Variants in WDR64 observed in about 807,000 individuals in gnomAD.
WDR64 encodes the protein WD repeat domain 64, also known as WD repeat-containing protein 64.
Under a neutral mutation model 139.3 loss-of-function variants are expected in WDR64, and 112 were observed. That is an observed-to-expected ratio of 0.80 (90% CI 0.69 to 0.94). The LOEUF is 0.94. WDR64 is among the 40% of genes least tolerant of loss of function. WDR64 has a pLI of 0.00. For synonymous variants in WDR64, 444 were observed against 437.7 expected (o/e 1.01, Z -0.18); for missense variants, 1,206 against 1,293.1 (o/e 0.93, Z 1.03).
At position 241,660,532 on chromosome 1, in the gene WDR64, G is replaced by A; in HGVS notation, c.148G>A (p.Ala50Thr). The change falls in exon 2 of 28, where the codon GCA becomes ACA. Residue 50 changes from alanine (A) to threonine (T), a missense_variant and splice_region_variant. Coordinates refer to ENST00000437684, the MANE Select transcript of WDR64 (RefSeq NM_001367482.1). ...RAGLFIHKED[A>T]IGYDKFYASV... ...GGACTGTACTTTTTTCAATGCAGATGCAATTGGTTATGACAAGTTTTATGC... is the reference window on the plus strand; with the variant it reads ...GGACTGTACTTTTTTCAATGCAGATACAATTGGTTATGACAAGTTTTATGC... 2 of 1,551,426 alleles carry A rather than the reference G, an allele frequency of 1.3e-6. No individual in the cohort carries two copies. The highest frequency in any genetic ancestry group is 1.7e-6 in the Non-Finnish European group (2 of 1,146,658).
In WDR64 at chr1:241,784,976, A is replaced by AAAAAAAAAAAAAAAAAAAAAAG. The variant is rs138513526; in HGVS notation, c.2705+1595_2705+1596insAAAAAAAAAAAAAAAAAAAAAG. Among the ~76,000 whole-genome samples the AAAAAAAAAAAAAAAAAAAAAAG allele has an allele frequency of 9.5e-4, 94 of 98,446 alleles. 12 individuals are homozygous for AAAAAAAAAAAAAAAAAAAAAAG. Among genetic ancestry groups the AAAAAAAAAAAAAAAAAAAAAAG allele is most frequent in the East Asian group, 1.9e-3 (6 of 3,106 alleles). 64.6% of individuals were successfully genotyped at this position (98,446 alleles called of 152,430 possible). On this transcript the variant is annotated intron_variant, in intron 23 of 27. Coordinates refer to ENST00000437684, the MANE Select transcript of WDR64 (RefSeq NM_001367482.1). Reference sequence around the variant, plus strand: ...CTGAAAAAAAAAAAAAAAAAAAAAAAGAAAGGACATCTGCTGTTTTATTTG... The same window carrying AAAAAAAAAAAAAAAAAAAAAAG: ...CTGAAAAAAAAAAAAAAAAAAAAAAAAAAAAAAAAAAAAAAAAAAAAGGAAAGGACATCTGCTGTTTTATTTG...
chr1:241,711,463 C>CCAA (rs2148173247), intron 8 of WDR64, among the ~76,000 whole-genome samples: 1 of 152,156 alleles, frequency 6.6e-6, no homozygotes, highest in South Asian at 2.1e-4. Flanking sequence ...TATGTGCTAC[C>CCAA]CAACAGACTC....
intron 8 of WDR64, among the ~76,000 whole-genome samples, chr1:241,699,512 G>A (rs1667622876): frequency 6.6e-6 from 1 of 152,154 alleles, no homozygotes; most frequent in Admixed American, 6.6e-5. Flanking sequence ...AGGGTGATAA[G>A]TGCCATGATA....
At chr1:241,719,584 G>T (rs1249748101) in intron 9 of WDR64, among the ~76,000 whole-genome samples, 1 of 152,028 alleles carries the variant, frequency 6.6e-6, no homozygotes, top group African/African-American at 2.4e-5. Context: ...ATAGAATTAT[G>T]GAAGCATCTA....
rs192574550 is a variant in WDR64, at chr1:241,768,063, T to A, written c.2082-1341T>A. Among the ~76,000 whole-genome samples, 500 of 152,324 alleles carry A rather than the reference T, an allele frequency of 3.3e-3. 2 individuals are homozygous for A. The highest frequency in any genetic ancestry group is 0.011 in the African/African-American group (474 of 41,588). ...ATCAGATAGACTAAGAAGACCATTA[T>A]CTTGATGCCACAGCCTAAAGAGGGG... On this transcript the variant is annotated intron_variant, in intron 16 of 27. Transcript: ENST00000437684.
intron 16 of WDR64, among the ~76,000 whole-genome samples, chr1:241,769,131 T>C (rs1217126390): frequency 6.6e-6 from 1 of 152,012 alleles, no homozygotes; most frequent in Non-Finnish European, 1.5e-5. Context: ...GTTTTTTCCA[T>C]AGGATTTTGT....
chr1:241,706,879 T>G (rs185477213), intron 8 of WDR64, among the ~76,000 whole-genome samples: 4 of 152,340 alleles, frequency 2.6e-5, no homozygotes, highest in African/African-American at 7.2e-5. Flanking sequence ...TCAAAAAATA[T>G]GAGAGCTATT....
At chr1:241,721,428 G>A (rs746528537) in intron 9 of WDR64, among the ~76,000 whole-genome samples, 40 of 152,074 alleles carry the variant, frequency 2.6e-4, no homozygotes, top group Middle Eastern at 3.4e-3. Flanking sequence ...AGGTTATAAC[G>A]CCTTTATACA....
At chr1:241,740,222 C>A (rs907675255) in intron 11 of WDR64, among the ~76,000 whole-genome samples, 1 of 152,202 alleles carries the variant, frequency 6.6e-6, no homozygotes, top group Non-Finnish European at 1.5e-5. Flanking sequence ...TCTATAGCAG[C>A]AGTGTAACTA....
At chr1:241,706,892 T>C (rs1667972858) in intron 8 of WDR64, among the ~76,000 whole-genome samples, 2 of 152,342 alleles carry the variant, frequency 1.3e-5, no homozygotes, top group African/African-American at 2.4e-5. Flanking sequence ...GAGCTATTCC[T>C]GCAAACTGGT....
intron 4 of WDR64, chr1:241,675,990 A>G (rs1488038949): frequency 6.6e-6 from 1 of 152,246 alleles, no homozygotes; most frequent in African/African-American, 2.4e-5. Context: ...AATCCTAATG[A>G]TTAGTTCATT....
Position 241,775,014 on chromosome 1 carries a change from A to G in WDR64, c.2431-91A>G, listed in dbSNP as rs148131133. 1.7e-4 allele frequency: 170 copies of G among 994,888 alleles called. No individual in the cohort carries two copies. In the East Asian group the frequency reaches 4.1e-3, roughly 24 times the overall value. The allele number at this position is 994,888 out of a possible 1,614,324, so 61.6% of individuals were successfully genotyped here. A position where few individuals can be genotyped will look rare whatever the true frequency, so the allele number is the denominator to read the frequency against. ...GTAGTAGAGATAATTCTTGAGATGC[A>G]TTATTTACATAGAAAAATCAATTTC... On this transcript the variant is annotated intron_variant, in intron 20 of 27. Transcript: ENST00000437684.
At chr1:241,771,941 CATACATATAT>C (rs1162366832) in intron 19 of WDR64, among the ~76,000 whole-genome samples, 662 of 28,812 alleles carry the variant, frequency 0.023, 7 homozygotes, top group South Asian at 0.051. Context: ...TACATACATA[CATACATATAT>C]ATATATATAT....
intron 23 of WDR64, among the ~76,000 whole-genome samples, chr1:241,787,536 G>A (rs1659082888): frequency 6.6e-6 from 1 of 150,924 alleles, no homozygotes; most frequent in Admixed American, 6.6e-5. Context: ...ATGGTGGTGG[G>A]CTTCTGTAAT....
chr1:241,706,069 G>A (rs758954035), intron 8 of WDR64, among the ~76,000 whole-genome samples: 4 of 152,152 alleles, frequency 2.6e-5, no homozygotes, highest in Non-Finnish European at 5.9e-5. Flanking sequence ...ATGTTTTCAT[G>A]GGCCCTAAAA....
intron 8 of WDR64, among the ~76,000 whole-genome samples, chr1:241,691,339 A>G (rs10926534): frequency 0.27 from 41,660 of 152,142 alleles, 5,986 homozygotes; most frequent in Non-Finnish European, 0.32. Context: ...TTAAAAGTCA[A>G]TGGTCTAAAT....
At chr1:241,712,207 G>A (rs1325811450) in intron 9 of WDR64, among the ~76,000 whole-genome samples, 3 of 152,112 alleles carry the variant, frequency 2.0e-5, no homozygotes, top group Non-Finnish European at 4.4e-5. Context: ...AGGAGACCTG[G>A]AGCCCCCGGC....
At chr1:241,737,516 T>C (rs1333266125) in intron 10 of WDR64, among the ~76,000 whole-genome samples, 1 of 152,188 alleles carries the variant, frequency 6.6e-6, no homozygotes, top group African/African-American at 2.4e-5. Flanking sequence ...AAATTTACTA[T>C]AACATGAAAA....
At chr1:241,690,321 A>C (rs973675634) in intron 8 of WDR64, among the ~76,000 whole-genome samples, 45 of 152,172 alleles carry the variant, frequency 3.0e-4, no homozygotes, top group African/African-American at 8.9e-4. Flanking sequence ...AAATACAAAA[A>C]TTAGCTGGGC....
Sources: gnomAD v4.1 joint callset for allele counts (sites outside exome capture counted in the v4.1 genomes callset) on GRCh38, gnomAD v4.1.1 for gene constraint, MANE v1.5 for transcripts, NCBI Gene and HGNC (gene_info 2026-07-23, HGNC 2026-07-21) for gene names.